SASH1: variants seen among roughly 807,000 people sequenced by gnomAD.
SASH1 encodes the protein SAM and SH3 domain-containing protein 1.
A neutral mutation model predicts 125.2 loss-of-function variants in SASH1; 44 were observed. The ratio of observed to expected loss-of-function variants is 0.35; its 90% confidence interval spans 0.28 to 0.45. The LOEUF (loss-of-function observed/expected upper bound fraction) is 0.45. Among genes scored for constraint, SASH1 ranks in the 20% least tolerant of loss-of-function variants. SASH1 has a pLI of 1.00. For missense variants in SASH1, 1,426 were observed against 1,614.5 expected, an observed-to-expected ratio of 0.88 and a Z score of 2.00; for synonymous variants, 639 against 649.1, an observed-to-expected ratio of 0.98 and a Z score of 0.24.
chr6:148,200,448 C>T, the SASH1 span, among the ~76,000 whole-genome samples: 2 of 152,192 alleles, frequency 1.3e-5, no homozygotes, highest in Non-Finnish European at 2.9e-5. Flanking sequence ...CGATCATCTG[C>T]TTATCATTAT....
At chr6:148,330,214 C>T (rs1460637601) in intron 1 of SASH1, among the ~76,000 whole-genome samples, 1 of 152,094 alleles carries the variant, frequency 6.6e-6, no homozygotes, top group African/African-American at 2.4e-5. Context: ...TTGTTGTTCA[C>T]CCAAAGTATT....
chr6:148,461,120 G>A lies in SASH1; in HGVS notation c.387-7425G>A, dbSNP rs114451495. Among the ~76,000 whole-genome samples, 535 of 152,310 alleles carry A rather than the reference G, an allele frequency of 3.5e-3. 2 individuals are homozygous for A. Among genetic ancestry groups the A allele is most frequent in the African/African-American group, 0.012 (486 of 41,562 alleles). On this transcript the variant is annotated intron_variant, in intron 4 of 19. Coordinates refer to ENST00000367467, the MANE Select transcript of SASH1 (RefSeq NM_015278.5). ...ACTGTCTCATGTGATCCTCTTAACAGTCCATTAAGGGGTACTGTTTTTATC... is the reference window on the plus strand; with the variant it reads ...ACTGTCTCATGTGATCCTCTTAACAATCCATTAAGGGGTACTGTTTTTATC...
chr6:148,327,329 G>C (rs2114592798), intron 1 of SASH1, among the ~76,000 whole-genome samples: 1 of 149,778 alleles, frequency 6.7e-6, no homozygotes, highest in African/African-American at 2.5e-5. Flanking sequence ...CTGTCGCCCA[G>C]GCTAGAGTGC....
intron 1 of SASH1, among the ~76,000 whole-genome samples, chr6:148,359,697 T>C (rs1455870916): frequency 6.6e-6 from 1 of 152,202 alleles, no homozygotes; most frequent in African/African-American, 2.4e-5. Context: ...GTATAGTATG[T>C]TAAGGAGAAA....
chr6:148,500,551 G>C (rs1422052139), intron 8 of SASH1, among the ~76,000 whole-genome samples: 1 of 152,154 alleles, frequency 6.6e-6, no homozygotes, highest in African/African-American at 2.4e-5. Context: ...TTCCACTGCT[G>C]TTAGGTCAGA....
At chr6:148,200,496 A>G in the SASH1 span, among the ~76,000 whole-genome samples, 1 of 152,218 alleles carries the variant, frequency 6.6e-6, no homozygotes, top group Non-Finnish European at 1.5e-5. Flanking sequence ...GTTTCTGTCC[A>G]GTGTGATTCT....
rs191622706 is a variant in SASH1 at position 148,474,837 on chromosome 6, G to A, written c.627+615G>A. Among the ~76,000 whole-genome samples, 428 of 152,290 alleles carry A rather than the reference G, an allele frequency of 2.8e-3. 1 individual carries two copies. The highest frequency in any genetic ancestry group is 4.1e-3 in the Non-Finnish European group (282 of 68,032). On this transcript the variant is annotated intron_variant, in intron 7 of 19. Coordinates refer to ENST00000367467, the MANE Select transcript of SASH1 (RefSeq NM_015278.5). Reference sequence around the variant, plus strand: ...TCCTCTCACCTCGGCCTCCCAACATGTTGGAATTACAGGCATAAGCAAGCG... The same window carrying A: ...TCCTCTCACCTCGGCCTCCCAACATATTGGAATTACAGGCATAAGCAAGCG...
chr6:148,260,654 C>T, the SASH1 span, among the ~76,000 whole-genome samples: 55 of 150,396 alleles, frequency 3.7e-4, no homozygotes, highest in Admixed American at 6.0e-4. Flanking sequence ...TAAATTATCA[C>T]GTAAATAATC....
chr6:148,343,277 C>T, intron 1 of SASH1, 54 bp downstream of exon 1: 1 of 1,509,292 alleles, frequency 6.6e-7, no homozygotes, highest in Non-Finnish European at 8.9e-7. Flanking sequence ...AGCAGCCCCT[C>T]TGAAACCGGG....
intron 5 of SASH1, 95 bp from the exon 6 acceptor site, chr6:148,471,322 T>G (rs1254471585): frequency 2.4e-5 from 19 of 777,272 alleles, no homozygotes; most frequent in Non-Finnish European, 3.1e-5. Context: ...CCTACCAGCT[T>G]TGAATTACAA....
At chr6:148,211,172 C>G in the SASH1 span, among the ~76,000 whole-genome samples, 3 of 152,178 alleles carry the variant, frequency 2.0e-5, no homozygotes, top group Non-Finnish European at 4.4e-5. Context: ...CAGTTTATTA[C>G]CTGTCTGCTG....
chr6:148,476,479 C>T (rs1307005883), intron 7 of SASH1, among the ~76,000 whole-genome samples: 5 of 152,006 alleles, frequency 3.3e-5, no homozygotes, highest in Admixed American at 6.6e-5. Flanking sequence ...ATCAGGAGTT[C>T]GGGACCAACC....
intron 1 of SASH1, among the ~76,000 whole-genome samples, chr6:148,289,085 A>G (rs1645807234): frequency 6.6e-6 from 1 of 152,004 alleles, no homozygotes; most frequent in African/African-American, 2.4e-5. Context: ...GGTTCAAGCA[A>G]GTCTCCTGCC....
chr6:148,283,103 T>A (rs1454038851), intron 1 of SASH1, among the ~76,000 whole-genome samples: 1 of 152,170 alleles, frequency 6.6e-6, no homozygotes, highest in Non-Finnish European at 1.5e-5. Flanking sequence ...AGTGAAGTAA[T>A]ATTAGAAGAT....
At chr6:148,365,181 T>G (rs1303004668) in intron 1 of SASH1, among the ~76,000 whole-genome samples, 1 of 152,006 alleles carries the variant, frequency 6.6e-6, no homozygotes, top group Non-Finnish European at 1.5e-5. Context: ...TTTCACTGTG[T>G]CAGGTACTTT....
At chr6:148,319,208 T>C (rs886580467) in intron 1 of SASH1, among the ~76,000 whole-genome samples, 6 of 151,692 alleles carry the variant, frequency 4.0e-5, no homozygotes, top group African/African-American at 1.5e-4. Context: ...AATTCTTTTG[T>C]ATTTTTTAGT....
chr6:148,504,799 G>A (rs914466968), intron 8 of SASH1, among the ~76,000 whole-genome samples: 1 of 152,222 alleles, frequency 6.6e-6, no homozygotes, highest in South Asian at 2.1e-4. Context: ...GCCATGGTAC[G>A]TCCTCACAAA....
rs906202090 is a variant in SASH1, at chr6:148,290,499, G to A, written n.74+18122G>A. 1.9e-4 allele frequency among the ~76,000 whole-genome samples: 29 copies of A among 151,904 alleles called. 1 individual carries two copies. Among genetic ancestry groups the A allele is most frequent in the Non-Finnish European group, 7.4e-5 (5 of 67,960 alleles). On this transcript the variant is annotated intron_variant and non_coding_transcript_variant, in intron 1 of 3. Coordinates refer to the SASH1 transcript ENST00000367469. The stretch of plus-strand genomic sequence containing the variant: ...CAGGCGGCTGTAGTCCCAGCTACTC[G>A]GGAGGCTGAGGCAGGAGAATGGTGT...
intron 1 of SASH1, among the ~76,000 whole-genome samples, chr6:148,318,374 A>T (rs1164339533): frequency 6.6e-6 from 1 of 152,156 alleles, no homozygotes; most frequent in Non-Finnish European, 1.5e-5. Context: ...GTATAGAAAA[A>T]TTTTCAGATA....
Sources: allele counts gnomAD v4.1 joint callset (sites outside exome capture counted in the v4.1 genomes callset), GRCh38; gene constraint gnomAD v4.1.1; transcripts MANE v1.5; gene names NCBI Gene and HGNC (gene_info 2026-07-23, HGNC 2026-07-21).